The following ADGRB1 variants were observed in gnomAD, a reference collection of about 807,000 sequenced individuals.
ADGRB1 encodes brain-specific angiogenesis inhibitor 1.
A neutral mutation model predicts 175.7 loss-of-function variants in ADGRB1; 36 were observed. The ratio of observed to expected loss-of-function variants is 0.20; its 90% CI spans 0.16 to 0.27. The LOEUF (loss-of-function observed/expected upper bound fraction) is 0.27, where lower values mean the gene tolerates loss of function less well. Ranked by LOEUF, ADGRB1 falls within the 10% of genes least tolerant of loss-of-function variation. The pLI is 1.00. For synonymous variants in ADGRB1, 1,054 were observed against 979.4 expected (o/e 1.08, Z -1.42); for missense variants, 1,731 against 2,255.3 (o/e 0.77, Z 4.71).
rs1173990297 is a variant in ADGRB1, at chr8:142,475,470, C to G, written c.785-4C>G. 3 of 1,292,562 alleles carry G rather than the reference C, an allele frequency of 2.3e-6. No homozygotes were observed. The highest frequency in any genetic ancestry group is 2.9e-6 in the Non-Finnish European group (3 of 1,019,198). 80.1% of individuals were successfully genotyped at this position (1,292,562 alleles called of 1,614,324 possible). A position where few individuals can be genotyped will look rare whatever the true frequency, so the allele number is the denominator to read the frequency against. ...CTGATCCCCGCCCTCTGGTTTCCCCCCAGGCGGCTGGAAGCTGTGGTCCCT... is the reference window on the plus strand; with the variant it reads ...CTGATCCCCGCCCTCTGGTTTCCCCGCAGGCGGCTGGAAGCTGTGGTCCCT... On this transcript the variant is annotated splice_region_variant and splice_polypyrimidine_tract_variant and intron_variant, in intron 2 of 30. Transcript: ENST00000517894.
chr8:142,543,543 C>T lies in ADGRB1; in HGVS notation c.4450-58C>T. 1 of 1,583,354 alleles carries T rather than the reference C, an allele frequency of 6.3e-7. No individual in the cohort carries two copies. The highest frequency in any genetic ancestry group is 8.6e-7 in the Non-Finnish European group (1 of 1,163,658). On this transcript the variant is annotated intron_variant, in intron 29 of 30. Transcript: ENST00000517894. This position sits in a 1 kb window ranked among gnomAD's most constrained non-coding sequence, Gnocchi z 4.4. ...GCAGCCAGGGGACGGGCGGGGCAGGCAGGATGGGCCATGCCCTCCTCCTGG... is the reference window on the plus strand; with the variant it reads ...GCAGCCAGGGGACGGGCGGGGCAGGTAGGATGGGCCATGCCCTCCTCCTGG...
At chr8:142,495,731 G>A (rs76937474) in intron 17 of ADGRB1, among the ~76,000 whole-genome samples, 5,938 of 152,028 alleles carry the variant, frequency 0.039, 394 homozygotes, top group African/African-American at 0.13. Context: ...TAATGGATCT[G>A]TGCCCCCCCG....
Position 142,542,732 on chromosome 8 carries a change from A to G in ADGRB1, c.4413+85A>G. 7.9e-7 allele frequency: 1 copy of G among 1,272,440 alleles called. No homozygotes were observed. Among genetic ancestry groups the G allele is most frequent in the East Asian group, 2.9e-5 (1 of 34,092 alleles). The allele number at this position is 1,272,440 out of a possible 1,614,324, so 78.8% of individuals were successfully genotyped here. On this transcript the variant is annotated intron_variant, in intron 28 of 30. Coordinates refer to ENST00000517894, the MANE Select transcript of ADGRB1 (RefSeq NM_001702.3). The surrounding 1 kb of genome is among the most constrained non-coding windows in gnomAD (Gnocchi z 6.3). ...GTCACCCCTGCTGGGTGGGACCCCC[A>G]CGCCGTCAGCGGGGCGGGCTGGCTC...
chr8:142,523,357 G>C (rs1216011909), intron 22 of ADGRB1, among the ~76,000 whole-genome samples: 3 of 151,716 alleles, frequency 2.0e-5, no homozygotes, highest in Non-Finnish European at 2.9e-5. Flanking sequence ...GAGGGGAGCA[G>C]TGGGGAGCGC....
rs748913767 is a variant in ADGRB1 at position 142,477,169 on chromosome 8, C to T, written c.1113C>T (p.Gly371=). The T allele has an allele frequency of 7.5e-6, 12 of 1,594,786 alleles. No homozygotes were observed. Among genetic ancestry groups the T allele is most frequent in the African/African-American group, 1.3e-5 (1 of 74,888 alleles). The part of the protein sequence containing the change: ...SPWSVCSSTC[G]EGWQTRTRFC... Reference sequence around the variant, plus strand: ...GGAGCGTGTGCTCCAGCACCTGCGGCGAGGGCTGGCAGACCCGCACGCGCT... The same window carrying T: ...GGAGCGTGTGCTCCAGCACCTGCGGTGAGGGCTGGCAGACCCGCACGCGCT... The change falls in exon 5 of 31, where the codon GGC becomes GGT. Residue 371 remains glycine, a synonymous_variant. Coordinates refer to ENST00000517894, the MANE Select transcript of ADGRB1 (RefSeq NM_001702.3).
intron 27 of ADGRB1, among the ~76,000 whole-genome samples, chr8:142,540,308 G>A (rs1845190092): frequency 6.6e-6 from 1 of 152,252 alleles, no homozygotes; most frequent in Non-Finnish European, 1.5e-5. Context: ...TGGACAAAAA[G>A]CACCTTCTGC....
rs767583731 is a variant in ADGRB1 at position 142,536,996 on chromosome 8, G to A, written c.3580G>A (p.Ala1194Thr). The A allele has an allele frequency of 2.5e-6, 4 of 1,590,516 alleles. No homozygotes were observed. Among genetic ancestry groups the A allele is most frequent in the South Asian group, 1.1e-5 (1 of 87,470 alleles). Residue 1194 changes from alanine to threonine, a missense_variant, in exon 26 of 31, where the codon GCT (alanine) becomes ACT (threonine). This residue lies in a region of ADGRB1 where 301 missense variants were observed against 488.4 expected (regional missense o/e 0.62). Transcript: ENST00000517894. ...HCILRREVQD[A>T]VKCRVVDRQE... is the part of the protein sequence containing the mutation. Reference sequence around the variant, plus strand: ...GGCTCTCCCTCCCCAGGTCCAGGACGCTGTGAAATGCCGTGTGGTTGACCG... The same window carrying A: ...GGCTCTCCCTCCCCAGGTCCAGGACACTGTGAAATGCCGTGTGGTTGACCG...
chr8:142,469,550 T>G (rs1272615370), intron 2 of ADGRB1, among the ~76,000 whole-genome samples: 1 of 150,848 alleles, frequency 6.6e-6, no homozygotes, highest in Non-Finnish European at 1.5e-5. Flanking sequence ...TGTATGCACG[T>G]GCATGTGTGT....
intron 17 of ADGRB1, among the ~76,000 whole-genome samples, chr8:142,497,604 C>T (rs1461343519): frequency 6.6e-6 from 1 of 152,192 alleles, no homozygotes; most frequent in East Asian, 1.9e-4. Flanking sequence ...GAGGATGAGC[C>T]TCTCCCAGCT....
At chr8:142,459,186 C>T (rs1839841617) in intron 1 of ADGRB1, among the ~76,000 whole-genome samples, 1 of 152,194 alleles carries the variant, frequency 6.6e-6, no homozygotes, top group African/African-American at 2.4e-5. Context: ...ATGGAACACG[C>T]CTTTGGAGGA....
At position 142,544,287 on chromosome 8, in the gene ADGRB1, C is replaced by T. The variant is rs1587459161; in HGVS notation, c.4625C>T (p.Thr1542Met). Reference protein sequence around the residue: ...ESLRKAHGTPTWVKKELEPLQ... With the variant: ...ESLRKAHGTPMWVKKELEPLQ... ...CTCCGGAAAGCCCACGGGACGCCCA[C>T]GTGGGTGAAGAAGGAGCTGGAGCCG... Residue 1542 changes from threonine to methionine, a missense_variant, in exon 31 of 31, where the codon ACG becomes ATG. By Grantham distance (81) the Thr-to-Met change is moderately conservative. Transcript: ENST00000517894. 3.2e-6 allele frequency: 5 copies of T among 1,549,210 alleles called. No individual in the cohort carries two copies. Among genetic ancestry groups the T allele is most frequent in the African/African-American group, 2.7e-5 (2 of 73,010 alleles).
chr8:142,502,208 G>GGTGGTGGTGATGGTGATA (rs1842612802), intron 17 of ADGRB1, among the ~76,000 whole-genome samples: 4 of 150,112 alleles, frequency 2.7e-5, no homozygotes, highest in African/African-American at 9.8e-5. Flanking sequence ...TGGAGGTGGT[G>GGTGGTGGTGATGGTGATA]GTGGTGGTGA....
chr8:142,453,268 T>C (rs966033358), intron 1 of ADGRB1, among the ~76,000 whole-genome samples: 2 of 152,180 alleles, frequency 1.3e-5, no homozygotes, highest in Admixed American at 6.5e-5. Context: ...CACATGTGTG[T>C]GCGTGACGGG....
chr8:142,456,477 G>A (rs1027422258), intron 1 of ADGRB1, among the ~76,000 whole-genome samples: 4 of 152,134 alleles, frequency 2.6e-5, no homozygotes, highest in East Asian at 1.9e-4. Context: ...GCACACTCAC[G>A]TGTGCGACTC....
chr8:142,540,348 A>G (rs1044225299), intron 27 of ADGRB1, among the ~76,000 whole-genome samples: 7 of 152,262 alleles, frequency 4.6e-5, no homozygotes, highest in Non-Finnish European at 1.0e-4. Flanking sequence ...AACCAGTCCC[A>G]CAGCCTCTCA....
intron 24 of ADGRB1, among the ~76,000 whole-genome samples, chr8:142,530,172 T>G (rs1228839368): frequency 1.3e-5 from 2 of 152,068 alleles, no homozygotes; most frequent in Non-Finnish European, 2.9e-5. Flanking sequence ...TGCGTGTGTG[T>G]GTATGAGCGT....
chr8:142,539,026 C>T (rs915164227), intron 26 of ADGRB1, among the ~76,000 whole-genome samples: 1 of 152,110 alleles, frequency 6.6e-6, no homozygotes, highest in African/African-American at 2.4e-5. Context: ...TACAGAAATA[C>T]ACACGCATGT....
chr8:142,506,015 C>T (rs13248333), intron 17 of ADGRB1, among the ~76,000 whole-genome samples: 1 of 152,206 alleles, frequency 6.6e-6, no homozygotes, highest in African/African-American at 2.4e-5. Context: ...TGCGCCCTAC[C>T]TTAGTGGCGC....
At chr8:142,505,736 G>A (rs955439562) in intron 17 of ADGRB1, among the ~76,000 whole-genome samples, 2 of 152,182 alleles carry the variant, frequency 1.3e-5, no homozygotes, top group African/African-American at 4.8e-5. Flanking sequence ...GGGCCATGCG[G>A]CCTGACATAT....
Sources: gnomAD v4.1 joint callset for allele counts (sites outside exome capture counted in the v4.1 genomes callset) on GRCh38, gnomAD v4.1.1 for gene constraint, gnomAD v4.1.1 regional missense constraint, Gnocchi (gnomAD v3.1) non-coding constraint, MANE v1.5 for transcripts, NCBI Gene and HGNC (gene_info 2026-07-23, HGNC 2026-07-21) for gene names.